Variants in NOL3 observed in about 807,000 individuals in gnomAD.
NOL3 encodes nucleolar protein 3.
A neutral mutation model predicts 19.2 loss-of-function variants in NOL3; 18 were observed. The ratio of observed to expected loss-of-function variants is 0.94; its 90% CI spans 0.65 to 1.39. The LOEUF (loss-of-function observed/expected upper bound fraction) is 1.39. Ranked by LOEUF, NOL3 falls within the 40% of genes most tolerant of loss-of-function variation. The pLI, the probability that NOL3 is intolerant of heterozygous loss-of-function variation, is 0.00. For missense variants in NOL3, 290 were observed against 289.5 expected, an observed-to-expected ratio of 1.00 and a Z score of -0.01; for synonymous variants, 127 against 137.3, an observed-to-expected ratio of 0.93 and a Z score of 0.52.
exon 3 of NOL3, chr16:67,174,691 C>T: frequency 6.2e-7 from 1 of 1,600,090 alleles, no homozygotes; most frequent in African/African-American, 1.3e-5. Context: ...GCTCGGGGAC[C>T]ACATGCCCCG....
intron 1 of NOL3, among the ~76,000 whole-genome samples, chr16:67,172,608 C>CA (rs5817617): frequency 0.18 from 21,045 of 120,012 alleles, 1,845 homozygotes; most frequent in Non-Finnish European, 0.21. Context: ...GAGACTCTGT[C>CA]AAAAAAAAAA....
chr16:67,173,843 G>C, intron 1 of NOL3: 1 of 1,531,772 alleles, frequency 6.5e-7, no homozygotes, highest in Non-Finnish European at 8.7e-7. Flanking sequence ...AGGACGTCCT[G>C]GTTGGGGAGG....
chr16:67,175,083 G>T (rs199600705), exon 4 of NOL3: 2 of 1,614,106 alleles, frequency 1.2e-6, no homozygotes, highest in African/African-American at 2.7e-5. Context: ...GCGGTGCCCC[G>T]CCCATGCTGG....
chr16:67,173,717 C>A, intron 1 of NOL3: 1 of 660,520 alleles, frequency 1.5e-6, no homozygotes, highest in Non-Finnish European at 2.6e-6. Flanking sequence ...TGTGGAGTAT[C>A]AGCATCAATC....
chr16:67,173,138 G>A (rs1175004339), intron 1 of NOL3: 2 of 151,558 alleles, frequency 1.3e-5, no homozygotes, highest in Non-Finnish European at 2.9e-5. Context: ...TGCGATCCAT[G>A]GAGGAAAATC....
chr16:67,174,832 G>A lies in NOL3; in HGVS notation c.507G>A (p.Pro169=), dbSNP rs1050915644. The A allele has an allele frequency of 2.1e-5, 34 of 1,604,288 alleles. No individual in the cohort carries two copies. The highest frequency in any genetic ancestry group is 2.6e-5 in the Non-Finnish European group (31 of 1,175,096). Residue 169 remains proline (P), a synonymous_variant, in exon 3 of 4, where the codon CCG becomes CCA. Transcript: ENST00000268605. ...CCTCTAAAGAGGCTGAACCGGAGCC[G>A]GAGCCAGAGCCAGAGCTGGAACCCG...
At chr16:67,174,203 A>T in exon 2 of NOL3, 4 of 1,612,378 alleles carry the variant, frequency 2.5e-6, no homozygotes, top group Non-Finnish European at 2.5e-6. Flanking sequence ...GTCAGAGACT[A>T]TCGACCGCGA....
intron 1 of NOL3, among the ~76,000 whole-genome samples, chr16:67,173,169 T>C (rs117883425): frequency 0.014 from 2,128 of 151,996 alleles, 29 homozygotes; most frequent in African/African-American, 0.032. Flanking sequence ...CGGCAAGTAT[T>C]TGTCGGTATC....
chr16:67,175,152 A>C (rs1305537499), exon 4 of NOL3: 2 of 1,599,936 alleles, frequency 1.3e-6, no homozygotes, highest in Non-Finnish European at 1.7e-6. Context: ...GGTCCAGCCC[A>C]GTACCGCTGG....
chr16:67,174,818 GCTGAAC>G, exon 3 of NOL3: 1 of 1,603,714 alleles, frequency 6.2e-7, no homozygotes, highest in Non-Finnish European at 8.5e-7. Flanking sequence ...CTCTAAAGAG[GCTGAAC>G]CGGAGCCGGA....
At chr16:67,173,975 G>A (rs1425740747) in intron 1 of NOL3, 187 bp from the exon 2 acceptor site, 1 of 1,537,798 alleles carries the variant, frequency 6.5e-7, no homozygotes, top group Non-Finnish European at 8.7e-7. Context: ...TGGAGAGGCA[G>A]GAGGACACCG....
intron 1 of NOL3, among the ~76,000 whole-genome samples, chr16:67,172,256 G>A (rs1025298511): frequency 2.0e-5 from 3 of 152,100 alleles, no homozygotes; most frequent in Admixed American, 6.5e-5. Flanking sequence ...TCCTAATGCC[G>A]GGGGTCTTGC....
intron 1 of NOL3, 81 bp from the exon 2 acceptor site, chr16:67,174,081 G>T (rs2145950968): frequency 6.3e-7 from 1 of 1,592,052 alleles, no homozygotes; most frequent in South Asian, 1.1e-5. Flanking sequence ...GTTCACTGGG[G>T]GCATTGAGGG....
intron 1 of NOL3, chr16:67,173,765 TGAGA>T: frequency 9.3e-7 from 1 of 1,073,236 alleles, no homozygotes. Flanking sequence ...GAAGCAGATT[TGAGA>T]GAAAGACCTT....
rs757539487 is a variant in NOL3 at position 67,175,160 on chromosome 16, T to TG, written c.*108dup. The TG allele has an allele frequency of 9.4e-6, 15 of 1,590,894 alleles. No individual in the cohort carries two copies. In the African/African-American group the frequency reaches 1.8e-4, roughly 19 times the overall value. On this transcript the variant is annotated 3_prime_UTR_variant, in exon 4 of 4. Transcript: ENST00000268605. Reference sequence around the variant, plus strand: ...AAGGCTCGGTCCAGCCCAGTACCGCTGGAAGTGAATAAACTCCGGAGGGTC... The same window carrying TG: ...AAGGCTCGGTCCAGCCCAGTACCGCTGGGAAGTGAATAAACTCCGGAGGGTC...
chr16:67,174,497 A>G (rs1049423228), intron 2 of NOL3, 33 bp downstream of exon 2: 1 of 1,470,982 alleles, frequency 6.8e-7, no homozygotes, highest in South Asian at 1.4e-5. Flanking sequence ...AGGGCAGAGC[A>G]GGGACGGGGC....
exon 4 of NOL3, chr16:67,175,147 A>G (rs896465356): frequency 3.7e-6 from 6 of 1,602,896 alleles, no homozygotes; most frequent in Non-Finnish European, 5.1e-6. Flanking sequence ...GGCTCGGTCC[A>G]GCCCAGTACC....
rs199980306 is a variant in NOL3, at chr16:67,174,244, G to A, written c.75G>A (p.Ala25=). 808 of 1,612,840 alleles carry A rather than the reference G, an allele frequency of 5.0e-4. 4 individuals are homozygous for A. In the African/African-American group the frequency reaches 8.8e-3, roughly 18 times the overall value. ...AACGCCTGGTCGAGACGCTGCAGGC[G>A]GACTCGGGACTGCTGTTGGACGCGC... The change falls in exon 2 of 4, where the codon GCG becomes GCA. Residue 25 remains alanine, a synonymous_variant. Transcript: ENST00000268605.
intron 1 of NOL3, chr16:67,171,244 T>C (rs1276662427): frequency 6.6e-6 from 1 of 152,232 alleles, no homozygotes; most frequent in Non-Finnish European, 1.5e-5. Flanking sequence ...GTGTACACAG[T>C]GCAATGATGT....
Sources: allele counts gnomAD v4.1 joint callset (sites outside exome capture counted in the v4.1 genomes callset), GRCh38; gene constraint gnomAD v4.1.1; transcripts MANE v1.5; gene names NCBI Gene and HGNC (gene_info 2026-07-23, HGNC 2026-07-21).